Variants in RIPOR2 observed in about 807,000 individuals in gnomAD.
RIPOR2 encodes RHO family interacting cell polarization regulator 2.
A neutral mutation model predicts 114.5 loss-of-function variants in RIPOR2; 39 were observed. That is an observed-to-expected ratio of 0.34 (90% CI 0.26 to 0.44). The LOEUF (loss-of-function observed/expected upper bound fraction) is 0.44. RIPOR2 is among the 20% of genes least tolerant of loss of function. The probability of loss-of-function intolerance (pLI) is 1.00; values close to 1 mark genes in which losing one functional copy is unlikely to be tolerated. For missense variants in RIPOR2, 1,007 were observed against 1,255.1 expected (o/e 0.80, Z 2.99); for synonymous variants, 445 against 484.4 (o/e 0.92, Z 1.07).
Position 24,971,064 on chromosome 6 carries a change from T to G in RIPOR2, c.76+70787A>C, listed in dbSNP as rs191732941. 6.8e-4 allele frequency among the ~76,000 whole-genome samples: 104 copies of G among 152,332 alleles called. 1 individual carries two copies. Among genetic ancestry groups the G allele is most frequent in the Admixed American group, 3.7e-3 (57 of 15,302 alleles). ...AGTTATGACAGTATTTTTATTATTG[T>G]GGCAGTTGAACAAGGTATTAAAAGT... On this transcript the variant is annotated intron_variant, in intron 1 of 13. Transcript: ENST00000510784.
intron 1 of RIPOR2, among the ~76,000 whole-genome samples, chr6:24,973,696 G>A (rs1474203106): frequency 6.6e-6 from 1 of 151,820 alleles, no homozygotes; most frequent in Non-Finnish European, 1.5e-5. Flanking sequence ...ATCAATCTAG[G>A]TGCCCATCAA....
intron 1 of RIPOR2, among the ~76,000 whole-genome samples, chr6:24,905,969 A>G (rs1768947108): frequency 6.6e-6 from 1 of 152,216 alleles, no homozygotes; most frequent in Non-Finnish European, 1.5e-5. Context: ...CCAGGGGTAG[A>G]GGTAAAGGCC....
intron 1 of RIPOR2, chr6:25,023,392 G>C (rs1446393860): frequency 5.2e-6 from 4 of 775,416 alleles, no homozygotes; most frequent in Admixed American, 1.7e-5. Context: ...TGTAGGGAGA[G>C]AGTGGGGACT....
intron 17 of RIPOR2, 150 bp downstream of exon 17, chr6:24,830,359 T>C: frequency 1.6e-6 from 1 of 619,696 alleles, no homozygotes; most frequent in Non-Finnish European, 2.8e-6. Context: ...ATGTTTTCCC[T>C]GGACAGTACA....
At chr6:24,877,245 C>T in intron 1 of RIPOR2, 1 of 985,398 alleles carries the variant, frequency 1.0e-6, no homozygotes, top group Non-Finnish European at 1.2e-6. Context: ...GAGTTACTTC[C>T]CCAGAGAGAG....
At chr6:24,862,380 T>C (rs560014743) in intron 7 of RIPOR2, among the ~76,000 whole-genome samples, 1 of 152,318 alleles carries the variant, frequency 6.6e-6, no homozygotes, top group East Asian at 1.9e-4. Context: ...GCCAGCTTGA[T>C]TAGTGCAGGC....
intron 8 of RIPOR2, among the ~76,000 whole-genome samples, chr6:24,854,603 T>C (rs1453816837): frequency 6.6e-6 from 1 of 152,210 alleles, no homozygotes; most frequent in East Asian, 1.9e-4. Flanking sequence ...GCACTTTACA[T>C]TCCTTGGGGC....
intron 1 of RIPOR2, among the ~76,000 whole-genome samples, chr6:24,993,560 T>A (rs551794885): frequency 6.6e-6 from 1 of 152,266 alleles, no homozygotes; most frequent in Non-Finnish European, 1.5e-5. Flanking sequence ...GCCTTTTAAG[T>A]GGGGCATTTA....
chr6:24,853,978 A>G (rs1763197439), intron 8 of RIPOR2, among the ~76,000 whole-genome samples: 2 of 151,910 alleles, frequency 1.3e-5, no homozygotes, highest in Admixed American at 1.3e-4. Flanking sequence ...AAATTAGCCA[A>G]GTGTGGTGGT....
chr6:24,952,772 T>C (rs1486629525), intron 1 of RIPOR2, among the ~76,000 whole-genome samples: 1 of 152,240 alleles, frequency 6.6e-6, no homozygotes, highest in Non-Finnish European at 1.5e-5. Context: ...ATGTGCTGAC[T>C]CCAGCACACC....
At chr6:25,004,816 T>A (rs988285180) in intron 1 of RIPOR2, among the ~76,000 whole-genome samples, 1 of 152,062 alleles carries the variant, frequency 6.6e-6, no homozygotes, top group East Asian at 1.9e-4. Context: ...CATGCGCACG[T>A]GTGTGCATGT....
chr6:24,938,206 G>A (rs1771926099), upstream of RIPOR2, among the ~76,000 whole-genome samples: 1 of 152,162 alleles, frequency 6.6e-6, no homozygotes, highest in South Asian at 2.1e-4. Flanking sequence ...TCATAAAAAG[G>A]AGAGATTTAG....
intron 1 of RIPOR2, among the ~76,000 whole-genome samples, chr6:24,887,405 A>G (rs1413310462): frequency 6.6e-6 from 1 of 152,202 alleles, no homozygotes; most frequent in African/African-American, 2.4e-5. Context: ...TAAAATGATG[A>G]TCATACCTAA....
chr6:24,896,718 C>T (rs944326914), intron 1 of RIPOR2, among the ~76,000 whole-genome samples: 3 of 152,124 alleles, frequency 2.0e-5, no homozygotes, highest in African/African-American at 7.2e-5. Flanking sequence ...TCCTGGCAAA[C>T]ATGGTGAAAC....
At chr6:24,921,100 C>T (rs1033723564) in intron 1 of RIPOR2, among the ~76,000 whole-genome samples, 1 of 152,176 alleles carries the variant, frequency 6.6e-6, no homozygotes, top group South Asian at 2.1e-4. Context: ...AAACTCAAAT[C>T]CTTACAGTAA....
chr6:25,027,049 A>G (rs570767663), intron 1 of RIPOR2, among the ~76,000 whole-genome samples: 3 of 152,348 alleles, frequency 2.0e-5, no homozygotes, highest in Admixed American at 6.5e-5. Flanking sequence ...TCTGGGATCT[A>G]CAAGTCTCCT....
chr6:24,854,289 A>C (rs927342647), intron 8 of RIPOR2, among the ~76,000 whole-genome samples: 1 of 152,228 alleles, frequency 6.6e-6, no homozygotes, highest in African/African-American at 2.4e-5. Flanking sequence ...TATTTAATGT[A>C]GAATAGTTTC....
At chr6:24,847,978 C>T in intron 12 of RIPOR2, 47 bp downstream of exon 12, 1 of 1,612,248 alleles carries the variant, frequency 6.2e-7, no homozygotes, top group South Asian at 1.1e-5. Context: ...GGTGCAAGCA[C>T]TGGCTCAGGT....
intron 1 of RIPOR2, chr6:24,911,112 G>T: frequency 2.7e-6 from 1 of 373,768 alleles, no homozygotes; most frequent in South Asian, 1.0e-4. Context: ...GGAGCGGGCG[G>T]AGGGGCGGGA....
Sources: allele counts gnomAD v4.1 joint callset (sites outside exome capture counted in the v4.1 genomes callset), GRCh38; gene constraint gnomAD v4.1.1; transcripts MANE v1.5; gene names NCBI Gene and HGNC (gene_info 2026-07-23, HGNC 2026-07-21).